Variants in CCDC91 observed in about 807,000 individuals in gnomAD.
CCDC91 encodes coiled-coil domain containing 91, also known as coiled-coil domain-containing protein 91.
Under a neutral mutation model 63.2 loss-of-function variants are expected in CCDC91, and 48 were observed. The observed-to-expected ratio is 0.76, with a 90% CI of 0.60 to 0.97. The LOEUF (loss-of-function observed/expected upper bound fraction) is 0.97. Ranked by LOEUF, CCDC91 falls within the 50% of genes least tolerant of loss-of-function variation. The pLI, the probability that CCDC91 is intolerant of heterozygous loss-of-function variation, is 0.00. For missense variants in CCDC91, 500 were observed against 494.6 expected (o/e 1.01, Z -0.10); for synonymous variants, 167 against 165.8 (o/e 1.01, Z -0.06).
intron 6 of CCDC91, among the ~76,000 whole-genome samples, chr12:28,330,501 T>C (rs139071282): frequency 6.6e-6 from 1 of 152,132 alleles, no homozygotes; most frequent in African/African-American, 2.4e-5. Flanking sequence ...TCTTTGTAGA[T>C]TCTGCATATT....
chr12:28,295,385 T>G (rs190057314), intron 3 of CCDC91, among the ~76,000 whole-genome samples: 2 of 152,276 alleles, frequency 1.3e-5, no homozygotes, highest in Non-Finnish European at 2.9e-5. Flanking sequence ...AATTTTAAAT[T>G]GATTTATTGA....
At chr12:28,536,042 A>T (rs11049701) in intron 12 of CCDC91, among the ~76,000 whole-genome samples, 48,553 of 150,880 alleles carry the variant, frequency 0.32, 8,384 homozygotes, top group African/African-American at 0.41. Context: ...AAAAAAAAAA[A>T]ATATATATTG....
At chr12:28,434,308 T>TA (rs1948780672) in intron 8 of CCDC91, among the ~76,000 whole-genome samples, 1 of 151,662 alleles carries the variant, frequency 6.6e-6, no homozygotes, top group Non-Finnish European at 1.5e-5. Context: ...TAATTTTTTT[T>TA]AAAAAAATCA....
rs776166267 is a variant in CCDC91, at chr12:28,484,171, T to C, written c.1215+6T>C. The C allele has an allele frequency of 1.3e-6, 2 of 1,532,516 alleles. No homozygotes were observed. The highest frequency in any genetic ancestry group is 1.8e-6 in the Non-Finnish European group (2 of 1,115,492). The allele number at this position is 1,532,516 out of a possible 1,614,324, so 94.9% of individuals were successfully genotyped here. On this transcript the variant is annotated splice_donor_region_variant and intron_variant, in intron 12 of 12. Coordinates refer to ENST00000536442, the MANE Select transcript of CCDC91 (RefSeq NM_018318.5). ...ATATAAAAGAACAGAAAAGGGTAAG[T>C]ATCTCCTGAAGAGTTTTAATTTGTG... is the stretch of plus-strand genomic sequence containing the variant.
intron 12 of CCDC91, among the ~76,000 whole-genome samples, chr12:28,536,611 A>G (rs1342403035): frequency 6.6e-6 from 1 of 152,154 alleles, no homozygotes; most frequent in African/African-American, 2.4e-5. Flanking sequence ...TACAATGGAG[A>G]TAAAATACTG....
intron 8 of CCDC91, among the ~76,000 whole-genome samples, chr12:28,428,573 C>CAAAAAAAAAA (rs1438921507): frequency 1.7e-4 from 11 of 65,242 alleles, no homozygotes; most frequent in Admixed American, 2.3e-4. Flanking sequence ...CCGTCTCTCC[C>CAAAAAAAAAA]CAAAAAAAAA....
Position 28,452,562 on chromosome 12 carries a change from AG to A in CCDC91, c.1012del (p.Glu338AsnfsTer28). 6.3e-7 allele frequency: 1 copy of A among 1,593,580 alleles called. No individual in the cohort carries two copies. Among genetic ancestry groups the A allele is most frequent in the South Asian group, 1.1e-5 (1 of 87,232 alleles). ...KNLEKAHAEE[R>X]ELWKTEHAKD... Reference sequence around the variant, plus strand: ...TTTAGAAAAAGCGCATGCTGAAGAAAGGGAATTATGGAAGACAGAACATGCA... The same window carrying A: ...TTTAGAAAAAGCGCATGCTGAAGAAAGGAATTATGGAAGACAGAACATGCA... On this transcript the variant is annotated frameshift_variant, in exon 11 of 13. Transcript: ENST00000536442. LOFTEE classifies it high-confidence loss of function.
chr12:28,418,305 GACA>G (rs1313625036), intron 8 of CCDC91, among the ~76,000 whole-genome samples: 1 of 152,018 alleles, frequency 6.6e-6, no homozygotes, highest in Non-Finnish European at 1.5e-5. Context: ...AGTAGAAACT[GACA>G]ACAATTGCTA....
intron 12 of CCDC91, among the ~76,000 whole-genome samples, chr12:28,503,024 C>G (rs984341427): frequency 1.3e-5 from 2 of 152,070 alleles, no homozygotes; most frequent in Admixed American, 1.3e-4. Flanking sequence ...TAGGCATGGG[C>G]AAGGACTTCA....
intron 6 of CCDC91, among the ~76,000 whole-genome samples, chr12:28,349,383 T>C (rs1943031972): frequency 6.6e-6 from 1 of 152,182 alleles, no homozygotes; most frequent in Non-Finnish European, 1.5e-5. Context: ...GACTTGACTG[T>C]ATAGTTATAA....
At chr12:28,438,544 A>G (rs1949024947) in intron 8 of CCDC91, among the ~76,000 whole-genome samples, 1 of 152,184 alleles carries the variant, frequency 6.6e-6, no homozygotes, top group Non-Finnish European at 1.5e-5. Context: ...CAAATGGACT[A>G]AGATACTTGC....
At chr12:28,405,482 A>G (rs1946879998) in intron 8 of CCDC91, among the ~76,000 whole-genome samples, 1 of 152,166 alleles carries the variant, frequency 6.6e-6, no homozygotes, top group Non-Finnish European at 1.5e-5. Flanking sequence ...TGCTTTTTCC[A>G]TGTTTATGTA....
chr12:28,451,201 A>T (rs1336440575), intron 10 of CCDC91, among the ~76,000 whole-genome samples: 1 of 151,724 alleles, frequency 6.6e-6, no homozygotes, highest in Non-Finnish European at 1.5e-5. Flanking sequence ...GGTAATTGAC[A>T]TTAAGTTTTG....
intron 11 of CCDC91, among the ~76,000 whole-genome samples, chr12:28,454,726 G>A (rs1394156829): frequency 6.6e-6 from 1 of 152,116 alleles, no homozygotes; most frequent in Non-Finnish European, 1.5e-5. Flanking sequence ...GGTTGGACAT[G>A]TAATCCAACT....
rs1389648836 is a variant in CCDC91 at position 28,550,099 on chromosome 12, C to T, written c.*926C>T. On this transcript the variant is annotated 3_prime_UTR_variant, in exon 13 of 13. Transcript: ENST00000536442. ...ATGTTTTATCTTATTTTCTGAAATGCATCTACTTTCATGGGCTTTGTACGT... is the reference window on the plus strand; with the variant it reads ...ATGTTTTATCTTATTTTCTGAAATGTATCTACTTTCATGGGCTTTGTACGT... 2 of 152,336 alleles carry T rather than the reference C, an allele frequency of 1.3e-5. No homozygotes were observed. Among genetic ancestry groups the T allele is most frequent in the Non-Finnish European group, 2.9e-5 (2 of 67,954 alleles). 9.4% of individuals were successfully genotyped at this position (152,336 alleles called of 1,614,324 possible).
rs770958606 is a variant in CCDC91 at position 28,473,051 on chromosome 12, TTGC to T, written c.1102-10997_1102-10995del. The stretch of plus-strand genomic sequence containing the variant: ...AAATGACTACCCCATAGTATAAGTC[TTGC>T]TGCAGATAAGTGCTATTGTGCATTG... On this transcript the variant is annotated intron_variant, in intron 11 of 12. Coordinates refer to ENST00000536442, the MANE Select transcript of CCDC91 (RefSeq NM_018318.5). Among the ~76,000 whole-genome samples the T allele has an allele frequency of 5.9e-5, 9 of 152,328 alleles. No homozygotes were observed. The South Asian group carries it at 6.2e-4, about 11-fold the overall frequency.
intron 3 of CCDC91, among the ~76,000 whole-genome samples, chr12:28,266,705 G>A (rs1350061131): frequency 1.3e-5 from 2 of 151,716 alleles, no homozygotes; most frequent in South Asian, 4.2e-4. Flanking sequence ...TAAGGACTGT[G>A]GTGTGCATTT....
At chr12:28,457,670 A>G (rs1475643703) in intron 11 of CCDC91, among the ~76,000 whole-genome samples, 1 of 151,788 alleles carries the variant, frequency 6.6e-6, no homozygotes, top group Non-Finnish European at 1.5e-5. Context: ...TAATTCTCAG[A>G]ATTTACTTGA....
intron 6 of CCDC91, among the ~76,000 whole-genome samples, chr12:28,350,918 A>C (rs1943141109): frequency 6.6e-6 from 1 of 152,146 alleles, no homozygotes; most frequent in Non-Finnish European, 1.5e-5. Flanking sequence ...TGGGTCCTTA[A>C]TTATAATGCA....
Sources: gnomAD v4.1 joint callset for allele counts (sites outside exome capture counted in the v4.1 genomes callset) on GRCh38, gnomAD v4.1.1 for gene constraint, MANE v1.5 for transcripts, NCBI Gene and HGNC (gene_info 2026-07-23, HGNC 2026-07-21) for gene names.